Variants in DLEC1 observed in about 807,000 individuals in gnomAD.
DLEC1 encodes the protein deleted in lung and esophageal cancer protein 1.
Under a neutral mutation model 198.1 loss-of-function variants are expected in DLEC1, and 146 were observed. The ratio of observed to expected loss-of-function variants is 0.74; its 90% CI spans 0.64 to 0.85. The LOEUF is 0.85. DLEC1 is among the 40% of genes least tolerant of loss of function. The pLI is 0.00. For missense variants in DLEC1, 2,233 were observed against 2,220.0 expected, an observed-to-expected ratio of 1.01 and a Z score of -0.12; for synonymous variants, 897 against 866.8, an observed-to-expected ratio of 1.03 and a Z score of -0.61.
intron 6 of DLEC1, among the ~76,000 whole-genome samples, chr3:38,079,040 G>A (rs1697801690): frequency 6.6e-6 from 1 of 152,148 alleles, no homozygotes; most frequent in African/African-American, 2.4e-5. Context: ...GCGGGGTAAG[G>A]GTGATTAGGT....
At chr3:38,100,265 C>T (rs1699235018) in intron 18 of DLEC1, 21 bp from the exon 19 acceptor site, 1 of 1,598,660 alleles carries the variant, frequency 6.3e-7, no homozygotes, top group Non-Finnish European at 8.5e-7. Context: ...TGCTCATCCT[C>T]CTGAGTGTTC....
intron 6 of DLEC1, among the ~76,000 whole-genome samples, chr3:38,078,262 G>T (rs1228002238): frequency 6.6e-6 from 1 of 152,156 alleles, no homozygotes; most frequent in Non-Finnish European, 1.5e-5. Context: ...GTATGAGGAA[G>T]AAAATAGATT....
At chr3:38,075,611 C>A (rs917917242) in intron 6 of DLEC1, among the ~76,000 whole-genome samples, 1 of 148,546 alleles carries the variant, frequency 6.7e-6, no homozygotes, top group Non-Finnish European at 1.5e-5. Flanking sequence ...GGAAAGGGGT[C>A]GGGGCGTGGA....
intron 4 of DLEC1, 33 bp downstream of exon 4, chr3:38,062,401 G>A (rs375717966): frequency 6.2e-7 from 1 of 1,612,872 alleles, no homozygotes. Context: ...AGCAGTGTTT[G>A]GGGGGACAGA....
At chr3:38,066,585 C>T (rs1348263761) in intron 6 of DLEC1, among the ~76,000 whole-genome samples, 1 of 152,214 alleles carries the variant, frequency 6.6e-6, no homozygotes, top group Non-Finnish European at 1.5e-5. Flanking sequence ...TTCCCAGCTT[C>T]TTTCTTTTAG....
intron 2 of DLEC1, among the ~76,000 whole-genome samples, chr3:38,057,456 C>T (rs1053036565): frequency 6.6e-6 from 1 of 151,630 alleles, no homozygotes; most frequent in Non-Finnish European, 1.5e-5. Context: ...CATGCCACTG[C>T]ACTCCAGCCT....
intron 5 of DLEC1, among the ~76,000 whole-genome samples, chr3:38,063,472 TAGA>T (rs1297411596): frequency 1.3e-5 from 2 of 148,630 alleles, no homozygotes; most frequent in Admixed American, 1.3e-4. Flanking sequence ...AAAAAGAAAA[TAGA>T]AGAGAAGAGA....
At chr3:38,110,496 G>A (rs987077273) in intron 23 of DLEC1, among the ~76,000 whole-genome samples, 4 of 152,302 alleles carry the variant, frequency 2.6e-5, no homozygotes, top group East Asian at 1.9e-4. Context: ...CTGGGATTGC[G>A]GCCCCTTTTC....
chr3:38,040,006 A>G (rs1387836192), intron 1 of DLEC1, among the ~76,000 whole-genome samples: 1 of 152,208 alleles, frequency 6.6e-6, no homozygotes, highest in Non-Finnish European at 1.5e-5. Flanking sequence ...ATCACAAACC[A>G]CAATCTTGAC....
At chr3:38,106,084 T>C (rs569908756) in intron 19 of DLEC1, among the ~76,000 whole-genome samples, 61 of 152,366 alleles carry the variant, frequency 4.0e-4, no homozygotes, top group African/African-American at 1.4e-3. Context: ...CCCCTTCCTT[T>C]GTACTATTAT....
chr3:38,107,077 C>T (rs922200979), intron 19 of DLEC1, among the ~76,000 whole-genome samples: 4 of 152,156 alleles, frequency 2.6e-5, no homozygotes, highest in African/African-American at 9.7e-5. Context: ...AGCAGAAGAA[C>T]ACTTAAATGG....
intron 18 of DLEC1, 53 bp downstream of exon 18, chr3:38,097,955 C>T (rs1208304474): frequency 9.3e-6 from 15 of 1,607,668 alleles, no homozygotes; most frequent in Non-Finnish European, 1.3e-5. Flanking sequence ...GCCCGTTTAG[C>T]TTGCCCTGGT....
chr3:38,104,762 TG>T, intron 19 of DLEC1, among the ~76,000 whole-genome samples: 1 of 152,296 alleles, frequency 6.6e-6, no homozygotes, highest in South Asian at 2.1e-4. Context: ...GTTGATTTTC[TG>T]TAATGTTTTT....
chr3:38,082,462 G>A (rs970345908), intron 6 of DLEC1, among the ~76,000 whole-genome samples: 9 of 152,140 alleles, frequency 5.9e-5, no homozygotes, highest in Admixed American at 2.0e-4. Flanking sequence ...CCTTGCCCTC[G>A]GGCCCCGCGG....
intron 1 of DLEC1, among the ~76,000 whole-genome samples, chr3:38,041,704 C>T (rs1053817485): frequency 4.6e-5 from 7 of 151,474 alleles, no homozygotes; most frequent in South Asian, 2.1e-4. Flanking sequence ...AAAAATTAGC[C>T]GGGCGTGGTG....
intron 6 of DLEC1, among the ~76,000 whole-genome samples, chr3:38,083,039 A>T (rs1341519826): frequency 2.0e-5 from 3 of 151,886 alleles, no homozygotes; most frequent in Admixed American, 2.0e-4. Flanking sequence ...GGGTGGCACC[A>T]AGATTGAAAG....
chr3:38,117,889 C>A lies in DLEC1; in HGVS notation c.4569C>A (p.Ser1523=). ...CACACTACTTCCGGCTTATGGTCTC[C>A]AGGCCCTTCTCCGTTTCTCAAGATG... ...EIPHYFRLMV[S]RPFSVSQDGA... Residue 1523 remains serine, a synonymous_variant, in exon 33 of 37, where the codon TCC becomes TCA. Transcript: ENST00000308059. The A allele has an allele frequency of 6.2e-7, 1 of 1,614,194 alleles. No individual in the cohort carries two copies. The highest frequency in any genetic ancestry group is 8.5e-7 in the Non-Finnish European group (1 of 1,180,030).
At chr3:38,064,273 A>G (rs182987770) in intron 6 of DLEC1, among the ~76,000 whole-genome samples, 2 of 152,196 alleles carry the variant, frequency 1.3e-5, no homozygotes, top group East Asian at 3.9e-4. Context: ...ACCGCCCTTA[A>G]TTCATTTAAC....
intron 11 of DLEC1, among the ~76,000 whole-genome samples, chr3:38,093,337 C>T (rs1698838167): frequency 6.6e-6 from 1 of 152,046 alleles, no homozygotes; most frequent in African/African-American, 2.4e-5. Context: ...TCCTCCTTCC[C>T]TCCCTCCTTT....
Sources: allele counts gnomAD v4.1 joint callset (sites outside exome capture counted in the v4.1 genomes callset), GRCh38; gene constraint gnomAD v4.1.1; transcripts MANE v1.5; gene names NCBI Gene and HGNC (gene_info 2026-07-23, HGNC 2026-07-21).